EDEM2: variants seen among roughly 807,000 people sequenced by gnomAD.
The protein encoded by EDEM2 is ER degradation-enhancing alpha-mannosidase-like protein 2.
In EDEM2, 39 loss-of-function variants were observed where a neutral mutation model predicts 64.8. That is an observed-to-expected ratio of 0.60 (90% CI 0.47 to 0.79). The LOEUF is 0.79. Among genes scored for constraint, EDEM2 ranks in the 30% least tolerant of loss-of-function variants. The pLI, the probability that EDEM2 is intolerant of heterozygous loss-of-function variation, is 0.00. For missense variants in EDEM2, 609 were observed against 731.3 expected (o/e 0.83, Z 1.93); for synonymous variants, 296 against 291.5 (o/e 1.02, Z -0.16).
At chr20:35,140,597 G>A (rs2085640046) in intron 4 of EDEM2, among the ~76,000 whole-genome samples, 1 of 152,148 alleles carries the variant, frequency 6.6e-6, no homozygotes, top group Non-Finnish European at 1.5e-5. Context: ...TATAACTGTA[G>A]CATATAGGTC....
chr20:35,124,083 C>T (rs1375579690), intron 8 of EDEM2, 49 bp from the exon 9 acceptor site: 1 of 1,582,728 alleles, frequency 6.3e-7, no homozygotes, highest in South Asian at 1.1e-5. Context: ...GCATAAAACC[C>T]CACAGACAAC....
intron 2 of EDEM2, among the ~76,000 whole-genome samples, chr20:35,146,334 G>C (rs968550034): frequency 6.6e-6 from 1 of 152,144 alleles, no homozygotes; most frequent in Non-Finnish European, 1.5e-5. Context: ...CTAACTCGTA[G>C]GGGTATTAAG....
At chr20:35,138,704 C>T (rs1357242802) in intron 4 of EDEM2, among the ~76,000 whole-genome samples, 1 of 151,718 alleles carries the variant, frequency 6.6e-6, no homozygotes, top group South Asian at 2.1e-4. Flanking sequence ...CTCAGCCTCC[C>T]GAGTAGCTGG....
In EDEM2 at chr20:35,126,356, C is replaced by G. The variant is rs2085432249; in HGVS notation, c.864G>C (p.Arg288=). The part of the protein sequence containing the change: ...AMFLEYNKAI[R]NYTRFDDWYL... Reference sequence around the variant, plus strand: ...ACCAGTCATCGAAGCGGGTGTAGTTCCGGATGGCTTTGTTATACTCTGCAG... The same window carrying G: ...ACCAGTCATCGAAGCGGGTGTAGTTGCGGATGGCTTTGTTATACTCTGCAG... Residue 288 remains arginine (R), a synonymous_variant, in exon 8 of 11, where the codon CGG becomes CGC. Transcript: ENST00000374492. 1 of 1,613,852 alleles carries G rather than the reference C, an allele frequency of 6.2e-7. No homozygotes were observed. Among genetic ancestry groups the G allele is most frequent in the Non-Finnish European group, 8.5e-7 (1 of 1,180,012 alleles).
chr20:35,118,241 T>C (rs558575789), intron 10 of EDEM2, among the ~76,000 whole-genome samples: 2 of 152,338 alleles, frequency 1.3e-5, no homozygotes, highest in South Asian at 4.1e-4. Flanking sequence ...TATGGGACTC[T>C]GGATTCCCCT....
At chr20:35,127,434 G>A (rs2085448944) in intron 7 of EDEM2, among the ~76,000 whole-genome samples, 1 of 152,106 alleles carries the variant, frequency 6.6e-6, no homozygotes. Flanking sequence ...ATTCTAGTAG[G>A]AACTTGAATT....
intron 3 of EDEM2, among the ~76,000 whole-genome samples, chr20:35,143,550 C>A: frequency 6.6e-6 from 1 of 152,162 alleles, no homozygotes; most frequent in East Asian, 1.9e-4. Context: ...AGAAAATAAA[C>A]CCTCTTTATT....
rs1248140227 is a variant in EDEM2, at chr20:35,126,168, G to A, written c.969+83C>T. ...AAAAAGTACTCAAGCAATTAACAAAGTACATTATTTGACTTATACATCAGA... is the reference window on the plus strand; with the variant it reads ...AAAAAGTACTCAAGCAATTAACAAAATACATTATTTGACTTATACATCAGA... On this transcript the variant is annotated intron_variant, in intron 8 of 10. Transcript: ENST00000374492. The A allele has an allele frequency of 3.9e-6, 6 of 1,541,832 alleles. No individual in the cohort carries two copies. In the African/African-American group the frequency reaches 6.9e-5, roughly 18 times the overall value.
rs1022486762 is a variant in EDEM2, at chr20:35,142,229, A to G, written c.364+144T>C. 4 of 658,564 alleles carry G rather than the reference A, an allele frequency of 6.1e-6. No individual in the cohort carries two copies. The South Asian group carries it at 7.2e-5, about 12-fold the overall frequency. 40.8% of individuals were successfully genotyped at this position (658,564 alleles called of 1,614,324 possible). Reference sequence around the variant, plus strand: ...AGACTTCCCCACCTCACCCTCCAGGAGGGAAGAAGAGCTCTGTCGGTCAGA... The same window carrying G: ...AGACTTCCCCACCTCACCCTCCAGGGGGGAAGAAGAGCTCTGTCGGTCAGA... On this transcript the variant is annotated intron_variant, in intron 4 of 10. Coordinates refer to ENST00000374492, the MANE Select transcript of EDEM2 (RefSeq NM_018217.3).
At chr20:35,135,462 C>T (rs1482638050) in intron 5 of EDEM2, among the ~76,000 whole-genome samples, 1 of 152,070 alleles carries the variant, frequency 6.6e-6, no homozygotes, top group African/African-American at 2.4e-5. Flanking sequence ...ACCAGCCTGG[C>T]CAACATGGTG....
intron 7 of EDEM2, among the ~76,000 whole-genome samples, chr20:35,130,664 C>T (rs1360572046): frequency 2.0e-5 from 3 of 152,096 alleles, no homozygotes; most frequent in African/African-American, 7.2e-5. Context: ...CTCAAAATAT[C>T]GTATCTGACT....
chr20:35,128,625 T>C lies in EDEM2; in HGVS notation c.845-2250A>G, dbSNP rs923059298. ...GTCCTTCAAGGAATTCCAGAAGGCA[T>C]TGTTATCAATCATCTGAGATAACAA... On this transcript the variant is annotated intron_variant, in intron 7 of 10. Transcript: ENST00000374492. 4.7e-5 allele frequency among the ~76,000 whole-genome samples: 7 copies of C among 149,356 alleles called. 1 individual carries two copies. Among genetic ancestry groups the C allele is most frequent in the Admixed American group, 6.7e-5 (1 of 15,002 alleles).
chr20:35,139,363 A>AG (rs1161413375), intron 4 of EDEM2, among the ~76,000 whole-genome samples: 1 of 147,184 alleles, frequency 6.8e-6, no homozygotes, highest in African/African-American at 2.5e-5. Flanking sequence ...AAAAAAAAAA[A>AG]AAAGTCTGGG....
intron 2 of EDEM2, 151 bp downstream of exon 2, chr20:35,146,674 T>C: frequency 5.1e-6 from 4 of 789,032 alleles, no homozygotes; most frequent in South Asian, 1.8e-5. Flanking sequence ...CTGGAGGTGA[T>C]AGTAAGAATT....
rs1339241299 is a variant in EDEM2 at position 35,123,926 on chromosome 20, T to G, written c.1078A>C (p.Thr360Pro). Residue 360 changes from threonine (T) to proline (P), a missense_variant, in exon 9 of 11, where the codon ACA (threonine) becomes CCA (proline). Physicochemically the swap from Thr to Pro is conservative, Grantham distance 38. Coordinates refer to ENST00000374492, the MANE Select transcript of EDEM2 (RefSeq NM_018217.3). ...PEFYNIPQGY[T>P]VEKREGYPLR... ...GGGTAGCCCTCTCGCTTCTCCACTG[T>G]GTATCCCTGAGGAATGTTGTAGAAT... is the stretch of plus-strand genomic sequence containing the variant. 6.2e-7 allele frequency: 1 copy of G among 1,614,210 alleles called. No homozygotes were observed. Among genetic ancestry groups the G allele is most frequent in the Non-Finnish European group, 8.5e-7 (1 of 1,180,032 alleles).
chr20:35,146,811 T>C lies in EDEM2; in HGVS notation c.218+14A>G, dbSNP rs2085739380. 1 of 1,612,546 alleles carries C rather than the reference T, an allele frequency of 6.2e-7. No homozygotes were observed. Among genetic ancestry groups the C allele is most frequent in the Non-Finnish European group, 8.5e-7 (1 of 1,179,486 alleles). The stretch of plus-strand genomic sequence containing the variant: ...TCAGACCCTGGCCGCCCCTTGCCCC[T>C]CCGCTCGCACTACCTGCCCCAGGTG... On this transcript the variant is annotated intron_variant, in intron 2 of 10. Coordinates refer to ENST00000374492, the MANE Select transcript of EDEM2 (RefSeq NM_018217.3).
intron 10 of EDEM2, among the ~76,000 whole-genome samples, chr20:35,117,845 G>C (rs2030520692): frequency 6.6e-6 from 1 of 152,068 alleles, no homozygotes; most frequent in Non-Finnish European, 1.5e-5. Context: ...AGCAGCCAAA[G>C]CGATCTTTCT....
In EDEM2 at chr20:35,146,820, A is replaced by C. The variant is rs376201000; in HGVS notation, c.218+5T>G. 1.4e-5 allele frequency: 22 copies of C among 1,613,578 alleles called. No homozygotes were observed. Among genetic ancestry groups the C allele is most frequent in the Non-Finnish European group, 1.9e-5 (22 of 1,179,842 alleles). On this transcript the variant is annotated splice_donor_5th_base_variant and intron_variant, in intron 2 of 10. Coordinates refer to ENST00000374492, the MANE Select transcript of EDEM2 (RefSeq NM_018217.3). ...GGCCGCCCCTTGCCCCTCCGCTCGC[A>C]CTACCTGCCCCAGGTGTCGTGCCCG...
In EDEM2 at chr20:35,130,577, T is replaced by C. The variant is rs568453608; in HGVS notation, c.844+1065A>G. On this transcript the variant is annotated intron_variant, in intron 7 of 10. Coordinates refer to ENST00000374492, the MANE Select transcript of EDEM2 (RefSeq NM_018217.3). ...GGGGGTCTTACTATATTGCCCAGGC[T>C]GGTCTCAAACTCCTGGCCTCAAACA... Among the ~76,000 whole-genome samples, 3 of 152,280 alleles carry C rather than the reference T, an allele frequency of 2.0e-5. No individual in the cohort carries two copies. The East Asian group carries it at 5.8e-4, about 29-fold the overall frequency.
Sources: allele counts gnomAD v4.1 joint callset (sites outside exome capture counted in the v4.1 genomes callset), GRCh38; gene constraint gnomAD v4.1.1; transcripts MANE v1.5; gene names NCBI Gene and HGNC (gene_info 2026-07-23, HGNC 2026-07-21).